The following ST8SIA5 variants were observed in gnomAD, a reference collection of about 807,000 sequenced individuals.
The protein encoded by ST8SIA5 is ST8 alpha-N-acetyl-neuraminide alpha-2,8-sialyltransferase 5, also known as alpha-2,8-sialyltransferase 8E.
Under a neutral mutation model 40.2 loss-of-function variants are expected in ST8SIA5, and 24 were observed. The ratio of observed to expected loss-of-function variants is 0.60; its 90% confidence interval spans 0.43 to 0.84. The LOEUF (loss-of-function observed/expected upper bound fraction) is 0.84. Among genes scored for constraint, ST8SIA5 ranks in the 40% least tolerant of loss-of-function variants. The pLI, the probability that ST8SIA5 is intolerant of heterozygous loss-of-function variation, is 0.00. For synonymous variants in ST8SIA5, 198 were observed against 201.8 expected (o/e 0.98, Z 0.16); for missense variants, 465 against 498.5 (o/e 0.93, Z 0.64).
chr18:46,746,166 A>T (rs477903), intron 1 of ST8SIA5, among the ~76,000 whole-genome samples: 104,402 of 152,046 alleles, frequency 0.69, 36,436 homozygotes, highest in Middle Eastern at 0.78. Context: ...CAAGAAAATG[A>T]TGTCCTCTCT....
At chr18:46,683,667 T>C (rs192792615) in intron 5 of ST8SIA5, among the ~76,000 whole-genome samples, 1 of 152,272 alleles carries the variant, frequency 6.6e-6, no homozygotes, top group African/African-American at 2.4e-5. Flanking sequence ...TGTCACCTAC[T>C]TTATGATCCA....
intron 2 of ST8SIA5, among the ~76,000 whole-genome samples, chr18:46,700,799 G>A (rs2039605634): frequency 6.6e-6 from 1 of 152,166 alleles, no homozygotes; most frequent in Non-Finnish European, 1.5e-5. Flanking sequence ...ATGTGGAGAG[G>A]CCCAAACACC....
intron 1 of ST8SIA5, among the ~76,000 whole-genome samples, chr18:46,715,878 G>C (rs555513144): frequency 6.6e-5 from 10 of 152,168 alleles, no homozygotes; most frequent in African/African-American, 2.4e-4. Flanking sequence ...ATGAGCAACT[G>C]TGCCTGACCA....
rs181998502 is a variant in ST8SIA5 at position 46,703,978 on chromosome 18, C to T, written c.224+594G>A. Among the ~76,000 whole-genome samples the T allele has an allele frequency of 3.0e-3, 462 of 152,146 alleles. 3 individuals carry two copies. The highest frequency in any genetic ancestry group is 4.1e-3 in the Non-Finnish European group (276 of 67,998). On this transcript the variant is annotated intron_variant, in intron 2 of 6. Coordinates refer to ENST00000315087, the MANE Select transcript of ST8SIA5 (RefSeq NM_013305.6). ...GGAGTGGGGAGCACAGCTCTTTTACCATTTATGTAAAAAAAAACTTTTTAA... is the reference window on the plus strand; with the variant it reads ...GGAGTGGGGAGCACAGCTCTTTTACTATTTATGTAAAAAAAAACTTTTTAA...
At chr18:46,692,282 A>G in intron 2 of ST8SIA5, 27 bp from the exon 3 acceptor site, 1 of 1,609,038 alleles carries the variant, frequency 6.2e-7, no homozygotes, top group Non-Finnish European at 8.5e-7. Flanking sequence ...AGAAGAGTAC[A>G]TGAGCAGGGT....
chr18:46,756,348 G>T (rs749039237), intron 1 of ST8SIA5, 30 bp downstream of exon 1: 8 of 1,604,326 alleles, frequency 5.0e-6, no homozygotes, highest in Non-Finnish European at 6.8e-6. Flanking sequence ...CCGGCTCCGC[G>T]CATCCCGCCC....
At position 46,674,627 on chromosome 18, in the gene ST8SIA5, T is replaced by C. The variant is rs1474027169; in HGVS notation, c.*5415A>G. On this transcript the variant is annotated 3_prime_UTR_variant, in exon 7 of 7. Coordinates refer to ENST00000315087, the MANE Select transcript of ST8SIA5 (RefSeq NM_013305.6). ...TGGCAATACAAAATGAGCTTAGATA[T>C]CGTGTCTTCCCTTGGGGAGAAGGCA... is the stretch of plus-strand genomic sequence containing the variant. 1 of 152,302 alleles carries C rather than the reference T, an allele frequency of 6.6e-6. No homozygotes were observed. The highest frequency in any genetic ancestry group is 1.5e-5 in the Non-Finnish European group (1 of 68,094). The allele number at this position is 152,302 out of a possible 1,614,324, so 9.4% of individuals were successfully genotyped here.
chr18:46,738,242 T>C (rs1282735732), intron 1 of ST8SIA5, among the ~76,000 whole-genome samples: 1 of 91,444 alleles, frequency 1.1e-5, no homozygotes, highest in Non-Finnish European at 2.2e-5. Flanking sequence ...CCCTGGAAAA[T>C]AGAAATGTCA....
At chr18:46,714,861 T>C (rs762322825) in intron 1 of ST8SIA5, among the ~76,000 whole-genome samples, 5 of 152,192 alleles carry the variant, frequency 3.3e-5, no homozygotes, top group Non-Finnish European at 7.4e-5. Context: ...AAGGTTTGTG[T>C]AAGTGGTTAT....
chr18:46,751,865 C>T (rs1398762334), intron 1 of ST8SIA5, among the ~76,000 whole-genome samples: 2 of 152,142 alleles, frequency 1.3e-5, no homozygotes, highest in East Asian at 1.9e-4. Context: ...GTTTGAAAAA[C>T]ACTGATGTCA....
At chr18:46,699,203 C>T (rs760695941) in intron 2 of ST8SIA5, among the ~76,000 whole-genome samples, 29 of 152,100 alleles carry the variant, frequency 1.9e-4, no homozygotes, top group Non-Finnish European at 3.8e-4. Context: ...TTATCTTATA[C>T]AGTGCAGGAT....
chr18:46,688,602 G>A lies in ST8SIA5; in HGVS notation c.456+173C>T, dbSNP rs573129206. On this transcript the variant is annotated intron_variant, in intron 4 of 6. Transcript: ENST00000315087. ...ATGGTTCTCAGACAGAACCCCCAAA[G>A]AAATCCAGAGGGTGGGCTTCTGCAC... 1.2e-3 allele frequency among the ~76,000 whole-genome samples: 182 copies of A among 152,316 alleles called. 1 individual carries two copies. Among genetic ancestry groups the A allele is most frequent in the African/African-American group, 4.1e-3 (171 of 41,570 alleles).
At chr18:46,754,106 T>C (rs1355742643) in intron 1 of ST8SIA5, among the ~76,000 whole-genome samples, 2 of 152,018 alleles carry the variant, frequency 1.3e-5, no homozygotes, top group Non-Finnish European at 2.9e-5. Flanking sequence ...GGAAACAAGA[T>C]AGGTAAGCAG....
rs1360634276 is a variant in ST8SIA5 at position 46,675,702 on chromosome 18, C to A, written c.*4340G>T. The A allele has an allele frequency of 2.6e-5, 4 of 152,136 alleles. No homozygotes were observed. The highest frequency in any genetic ancestry group is 5.9e-5 in the Non-Finnish European group (4 of 68,106). The allele number at this position is 152,136 out of a possible 1,614,324, so 9.4% of individuals were successfully genotyped here. On this transcript the variant is annotated 3_prime_UTR_variant, in exon 7 of 7. Coordinates refer to ENST00000315087, the MANE Select transcript of ST8SIA5 (RefSeq NM_013305.6). ...ACCTGAGAAGGAGCATTCAGAGAGA[C>A]AGGAGGAAAGTCAGGGAAGAATAGT...
intron 1 of ST8SIA5, among the ~76,000 whole-genome samples, chr18:46,722,143 G>T (rs1297966147): frequency 6.6e-6 from 1 of 152,200 alleles, no homozygotes; most frequent in African/African-American, 2.4e-5. Context: ...AACTCAGGAA[G>T]GCTCAGGAAT....
rs576593924 is a variant in ST8SIA5, at chr18:46,692,264, T to G, written c.225-9A>C. 19 of 1,613,760 alleles carry G rather than the reference T, an allele frequency of 1.2e-5. No homozygotes were observed. The South Asian group carries it at 1.9e-4, about 16-fold the overall frequency. On this transcript the variant is annotated splice_polypyrimidine_tract_variant and intron_variant, in intron 2 of 6. Transcript: ENST00000315087. Reference sequence around the variant, plus strand: ...GCTCTGACTGCTTCACCCTTGGGAGTAGAGGACAGAAGAGTACATGAGCAG... The same window carrying G: ...GCTCTGACTGCTTCACCCTTGGGAGGAGAGGACAGAAGAGTACATGAGCAG...
chr18:46,688,928 C>T lies in ST8SIA5; in HGVS notation c.312-9G>A, dbSNP rs1305744762. ...ACCTGGACAGAGTAGACCTGCCAGGCAGGGAGACAGGCAGGAAAGACGTGA... is the reference window on the plus strand; with the variant it reads ...ACCTGGACAGAGTAGACCTGCCAGGTAGGGAGACAGGCAGGAAAGACGTGA... On this transcript the variant is annotated splice_polypyrimidine_tract_variant and intron_variant, in intron 3 of 6. Transcript: ENST00000315087. 4 of 1,603,284 alleles carry T rather than the reference C, an allele frequency of 2.5e-6. No individual in the cohort carries two copies. The highest frequency in any genetic ancestry group is 1.1e-5 in the South Asian group (1 of 89,606).
At chr18:46,694,924 C>T (rs1056937271) in intron 2 of ST8SIA5, among the ~76,000 whole-genome samples, 45 of 151,970 alleles carry the variant, frequency 3.0e-4, no homozygotes, top group Admixed American at 2.6e-3. Context: ...TTTGGGAGGC[C>T]GAGGCGGGCG....
At chr18:46,727,978 C>T (rs1481469692) in intron 1 of ST8SIA5, among the ~76,000 whole-genome samples, 2 of 152,078 alleles carry the variant, frequency 1.3e-5, no homozygotes, top group Non-Finnish European at 2.9e-5. Context: ...AGGAGGATCA[C>T]AAGGTCAAGG....
Sources: gnomAD v4.1 joint callset for allele counts (sites outside exome capture counted in the v4.1 genomes callset) on GRCh38, gnomAD v4.1.1 for gene constraint, MANE v1.5 for transcripts, NCBI Gene and HGNC (gene_info 2026-07-23, HGNC 2026-07-21) for gene names.